The following KCTD8 variants were observed in gnomAD, a reference collection of about 807,000 sequenced individuals.
KCTD8 encodes the protein potassium channel tetramerization domain containing 8, also known as BTB/POZ domain-containing protein KCTD8.
In KCTD8, 27 loss-of-function variants were observed where a neutral mutation model predicts 31.5. That is an observed-to-expected ratio of 0.86 (90% CI 0.63 to 1.18). KCTD8 has a LOEUF of 1.18. Ranked by LOEUF, KCTD8 falls within the 50% of genes most tolerant of loss-of-function variation. KCTD8 has a pLI of 0.00. For synonymous variants in KCTD8, 290 were observed against 280.0 expected (o/e 1.04, Z -0.36); for missense variants, 658 against 647.7 (o/e 1.02, Z -0.17).
intron 1 of KCTD8, among the ~76,000 whole-genome samples, chr4:44,277,185 A>G (rs1716775056): frequency 6.6e-6 from 1 of 151,926 alleles, no homozygotes; most frequent in Non-Finnish European, 1.5e-5. Flanking sequence ...AGTACCTCAA[A>G]TTAATAAGCC....
intron 1 of KCTD8, among the ~76,000 whole-genome samples, chr4:44,226,947 TC>T (rs1363828039): frequency 6.6e-6 from 1 of 152,124 alleles, no homozygotes; most frequent in Non-Finnish European, 1.5e-5. Context: ...TACACCTTTG[TC>T]AGATGGATAG....
chr4:44,246,767 T>A (rs1469382713), intron 1 of KCTD8, among the ~76,000 whole-genome samples: 1 of 152,036 alleles, frequency 6.6e-6, no homozygotes, highest in Non-Finnish European at 1.5e-5. Context: ...AAATCAACTA[T>A]GAAGACTGCT....
intron 1 of KCTD8, among the ~76,000 whole-genome samples, chr4:44,283,029 T>C (rs555092176): frequency 0.19 from 1,598 of 8,614 alleles, 19 homozygotes; most frequent in Non-Finnish European, 0.29. Context: ...ACACATTTTA[T>C]TATTATTATT....
chr4:44,260,279 T>C (rs971548178), intron 1 of KCTD8, among the ~76,000 whole-genome samples: 1 of 151,768 alleles, frequency 6.6e-6, no homozygotes, highest in Non-Finnish European at 1.5e-5. Flanking sequence ...AATATGAAAG[T>C]GATAATAATA....
chr4:44,290,842 G>A (rs1019538989), intron 1 of KCTD8, among the ~76,000 whole-genome samples: 7 of 151,980 alleles, frequency 4.6e-5, no homozygotes, highest in Non-Finnish European at 5.9e-5. Flanking sequence ...AGAAATAAAC[G>A]CCTTCATCAA....
At chr4:44,363,316 G>C (rs1198661132) in intron 1 of KCTD8, among the ~76,000 whole-genome samples, 1 of 145,508 alleles carries the variant, frequency 6.9e-6, no homozygotes, top group Non-Finnish European at 1.5e-5. Context: ...AGGTTAAAGA[G>C]GGCATTAAAA....
chr4:44,240,251 T>G (rs922049154), intron 1 of KCTD8, among the ~76,000 whole-genome samples: 1 of 152,228 alleles, frequency 6.6e-6, no homozygotes, highest in Non-Finnish European at 1.5e-5. Context: ...GAGTTTTACA[T>G]GATTTGTTGT....
At chr4:44,232,199 C>T (rs2109352958) in intron 1 of KCTD8, among the ~76,000 whole-genome samples, 1 of 152,138 alleles carries the variant, frequency 6.6e-6, no homozygotes, top group East Asian at 1.9e-4. Context: ...CAAAAGACTC[C>T]TTCATATTGC....
At chr4:44,212,724 T>G (rs531029044) in intron 1 of KCTD8, among the ~76,000 whole-genome samples, 10 of 152,340 alleles carry the variant, frequency 6.6e-5, no homozygotes, top group African/African-American at 2.4e-4. Context: ...TGTTTCCTTA[T>G]GTTTTAGATA....
At chr4:44,438,597 TA>T (rs891073595) in intron 1 of KCTD8, among the ~76,000 whole-genome samples, 2 of 152,202 alleles carry the variant, frequency 1.3e-5, no homozygotes, top group African/African-American at 4.8e-5. Flanking sequence ...AGACTTATTT[TA>T]AAAATACATT....
intron 1 of KCTD8, among the ~76,000 whole-genome samples, chr4:44,316,219 T>A (rs1283595830): frequency 6.6e-6 from 1 of 152,212 alleles, no homozygotes; most frequent in East Asian, 1.9e-4. Flanking sequence ...ACTATGTTGA[T>A]TTTTACCTTT....
intron 1 of KCTD8, among the ~76,000 whole-genome samples, chr4:44,311,965 C>T (rs1432614002): frequency 6.6e-6 from 1 of 151,464 alleles, no homozygotes; most frequent in Non-Finnish European, 1.5e-5. Context: ...TGTAGACACC[C>T]ATCAGAAATA....
Position 44,199,450 on chromosome 4 carries a change from G to A in KCTD8, c.962-24200C>T, listed in dbSNP as rs557082213. ...TTCAAAAAAACTGAAATCATACCAA[G>A]CATACCCTTGGACCACAGGGCAATA... is the stretch of plus-strand genomic sequence containing the variant. On this transcript the variant is annotated intron_variant, in intron 1 of 1. Coordinates refer to ENST00000360029, the MANE Select transcript of KCTD8 (RefSeq NM_198353.3). 3.3e-5 allele frequency among the ~76,000 whole-genome samples: 5 copies of A among 152,078 alleles called. No homozygotes were observed. In the South Asian group the frequency reaches 1.0e-3, roughly 32 times the overall value.
intron 1 of KCTD8, among the ~76,000 whole-genome samples, chr4:44,281,405 T>G (rs1205738253): frequency 1.3e-5 from 2 of 152,060 alleles, no homozygotes; most frequent in Admixed American, 6.6e-5. Flanking sequence ...TGTCCTGCTT[T>G]CTCCTTGGCA....
chr4:44,407,575 G>A (rs1415570764), intron 1 of KCTD8, among the ~76,000 whole-genome samples: 4 of 151,926 alleles, frequency 2.6e-5, no homozygotes, highest in East Asian at 3.9e-4. Context: ...TAGTAGAGAC[G>A]AGGTTTCTCC....
rs1374725149 is a variant in KCTD8 at position 44,174,294 on chromosome 4, A to G, written c.*496T>C. 2 of 152,182 alleles carry G rather than the reference A, an allele frequency of 1.3e-5. No homozygotes were observed. Among genetic ancestry groups the G allele is most frequent in the African/African-American group, 4.8e-5 (2 of 41,246 alleles). The allele number at this position is 152,182 out of a possible 1,614,324, so 9.4% of individuals were successfully genotyped here. A position where few individuals can be genotyped will look rare whatever the true frequency, so the allele number is the denominator to read the frequency against. On this transcript the variant is annotated 3_prime_UTR_variant, in exon 2 of 2. Transcript: ENST00000360029. The stretch of plus-strand genomic sequence containing the variant: ...AGATCTTCCCTATTTCTTGTGATTT[A>G]TTTGTAACATTGTATTCATGCAAAA...
intron 1 of KCTD8, among the ~76,000 whole-genome samples, chr4:44,227,591 G>T (rs1287737200): frequency 6.6e-6 from 1 of 152,168 alleles, no homozygotes; most frequent in Non-Finnish European, 1.5e-5. Context: ...TACTAAATTA[G>T]AAATCTAACC....
At chr4:44,362,237 T>A (rs1719516817) in intron 1 of KCTD8, among the ~76,000 whole-genome samples, 1 of 152,098 alleles carries the variant, frequency 6.6e-6, no homozygotes, top group South Asian at 2.1e-4. Context: ...GAGACCAAAT[T>A]TTGGTTGATT....
At chr4:44,288,674 C>T (rs1354376800) in intron 1 of KCTD8, among the ~76,000 whole-genome samples, 2 of 151,962 alleles carry the variant, frequency 1.3e-5, no homozygotes, top group East Asian at 3.9e-4. Context: ...GTCAACTATG[C>T]CTTCAATTTT....
Sources: allele counts gnomAD v4.1 joint callset (sites outside exome capture counted in the v4.1 genomes callset), GRCh38; gene constraint gnomAD v4.1.1; transcripts MANE v1.5; gene names NCBI Gene and HGNC (gene_info 2026-07-23, HGNC 2026-07-21).